Variants in RGS6 observed in about 807,000 individuals in gnomAD.
The protein encoded by RGS6 is regulator of G-protein signaling 6.
Under a neutral mutation model 78.5 loss-of-function variants are expected in RGS6, and 30 were observed. That is an observed-to-expected ratio of 0.38 (90% CI 0.29 to 0.52). The LOEUF (loss-of-function observed/expected upper bound fraction) is 0.52. Ranked by LOEUF, RGS6 falls within the 20% of genes least tolerant of loss-of-function variation. The pLI is 0.85. For missense variants in RGS6, 495 were observed against 609.7 expected (o/e 0.81, Z 1.98); for synonymous variants, 206 against 206.0 (o/e 1.00, Z 0.00).
At chr14:72,367,707 A>T (rs996529502) in intron 3 of RGS6, among the ~76,000 whole-genome samples, 7 of 152,104 alleles carry the variant, frequency 4.6e-5, no homozygotes, top group Non-Finnish European at 8.8e-5. Context: ...TAATAGCTTT[A>T]TGTTTACCTA....
chr14:72,557,983 T>G (rs963965623), intron 17 of RGS6, among the ~76,000 whole-genome samples: 1 of 152,144 alleles, frequency 6.6e-6, no homozygotes, highest in Non-Finnish European at 1.5e-5. Flanking sequence ...GACTTTTTTT[T>G]GTCCTAATTT....
At chr14:72,247,181 A>G (rs919031767) in intron 2 of RGS6, among the ~76,000 whole-genome samples, 3 of 152,170 alleles carry the variant, frequency 2.0e-5, no homozygotes, top group African/African-American at 7.2e-5. Context: ...TTTTCCATAC[A>G]ATGTAGCAAG....
At chr14:72,422,016 G>A (rs1325629124) in intron 3 of RGS6, among the ~76,000 whole-genome samples, 3 of 152,180 alleles carry the variant, frequency 2.0e-5, no homozygotes, top group Non-Finnish European at 4.4e-5. Flanking sequence ...CATGCGGGCA[G>A]GTCTTTCCCA....
intron 2 of RGS6, among the ~76,000 whole-genome samples, chr14:72,137,254 C>T (rs8003202): frequency 0.086 from 13,023 of 152,238 alleles, 1,551 homozygotes; most frequent in African/African-American, 0.27. Context: ...TTGTAAAACC[C>T]TTTCTGCAGC....
intron 3 of RGS6, among the ~76,000 whole-genome samples, chr14:72,415,507 C>T (rs1256685347): frequency 6.6e-6 from 1 of 152,254 alleles, no homozygotes; most frequent in Non-Finnish European, 1.5e-5. Flanking sequence ...GATGCCTCGC[C>T]CTGCTTTGGC....
intron 2 of RGS6, among the ~76,000 whole-genome samples, chr14:72,155,048 G>A (rs1369894089): frequency 1.3e-5 from 2 of 152,228 alleles, no homozygotes; most frequent in Non-Finnish European, 2.9e-5. Flanking sequence ...GGTTCACCCT[G>A]CATGCCTCAT....
intron 3 of RGS6, among the ~76,000 whole-genome samples, chr14:72,417,631 C>T (rs2093917283): frequency 6.6e-6 from 1 of 152,220 alleles, no homozygotes; most frequent in Non-Finnish European, 1.5e-5. Flanking sequence ...GTTCCGCACT[C>T]ATTAGCCAGA....
chr14:71,970,761 G>A (rs1370161764), intron 2 of RGS6, among the ~76,000 whole-genome samples: 1 of 152,156 alleles, frequency 6.6e-6, no homozygotes, highest in Non-Finnish European at 1.5e-5. Flanking sequence ...GAGCCCACAG[G>A]CCAGCTGGGG....
the RGS6 span, among the ~76,000 whole-genome samples, chr14:71,891,950 T>A: frequency 6.6e-5 from 10 of 152,296 alleles, no homozygotes; most frequent in Admixed American, 5.2e-4. Flanking sequence ...GAGTCCTAAT[T>A]TGCATGTAGA....
chr14:72,463,171 G>C, intron 6 of RGS6, among the ~76,000 whole-genome samples: 1 of 152,194 alleles, frequency 6.6e-6, no homozygotes, highest in East Asian at 1.9e-4. Flanking sequence ...TATAGGTAAG[G>C]GTGGAATGCC....
intron 2 of RGS6, among the ~76,000 whole-genome samples, chr14:72,226,375 A>G (rs1272466843): frequency 6.6e-6 from 1 of 152,256 alleles, no homozygotes; most frequent in Non-Finnish European, 1.5e-5. Context: ...ATATCAAAGT[A>G]TATGAGATGA....
At chr14:72,337,869 C>G (rs2076328663) in intron 2 of RGS6, among the ~76,000 whole-genome samples, 1 of 152,230 alleles carries the variant, frequency 6.6e-6, no homozygotes, top group African/African-American at 2.4e-5. Flanking sequence ...CCATCAAATG[C>G]TTCCCAGAGT....
At chr14:71,974,071 A>G (rs1459275999) in intron 2 of RGS6, among the ~76,000 whole-genome samples, 2 of 152,088 alleles carry the variant, frequency 1.3e-5, no homozygotes, top group Non-Finnish European at 2.9e-5. Flanking sequence ...ATTTCATTTC[A>G]AGGAGTCTAA....
At chr14:72,410,159 A>T (rs1412105808) in intron 3 of RGS6, among the ~76,000 whole-genome samples, 5 of 152,188 alleles carry the variant, frequency 3.3e-5, no homozygotes, top group Non-Finnish European at 7.3e-5. Context: ...ACAATGGTTG[A>T]ACTAGTTTAC....
At chr14:72,116,483 C>T (rs1445300677) in intron 2 of RGS6, among the ~76,000 whole-genome samples, 1 of 151,440 alleles carries the variant, frequency 6.6e-6, no homozygotes, top group East Asian at 1.9e-4. Flanking sequence ...CTGGCCTTTG[C>T]CTACTAGATG....
In RGS6 at chr14:71,980,483, C is replaced by T. The variant is rs960068751; in HGVS notation, c.84+15608C>T. On this transcript the variant is annotated intron_variant, in intron 2 of 17. Coordinates refer to ENST00000553525, the MANE Select transcript of RGS6 (RefSeq NM_001204424.2). ...TGGTGACAAAATCTCTCAGCATTTG[C>T]TTGTCTGTAAAGTATTTTATTTCTC... Among the ~76,000 whole-genome samples, 81 of 129,122 alleles carry T rather than the reference C, an allele frequency of 6.3e-4. 1 individual carries two copies. The highest frequency in any genetic ancestry group is 2.3e-3 in the African/African-American group (79 of 34,510). 84.7% of individuals were successfully genotyped at this position (129,122 alleles called of 152,430 possible).
chr14:72,098,819 T>C (rs1300325328), intron 2 of RGS6, among the ~76,000 whole-genome samples: 1 of 152,206 alleles, frequency 6.6e-6, no homozygotes, highest in Admixed American at 6.5e-5. Flanking sequence ...CCTGCCTCAT[T>C]GGTGGGTAAG....
intron 3 of RGS6, among the ~76,000 whole-genome samples, chr14:72,415,924 C>T (rs2093777042): frequency 6.6e-6 from 1 of 152,056 alleles, no homozygotes; most frequent in South Asian, 2.1e-4. Flanking sequence ...CCAAGGCGGG[C>T]AGATCATGAG....
intron 2 of RGS6, among the ~76,000 whole-genome samples, chr14:72,171,651 C>T (rs1289476233): frequency 6.6e-6 from 1 of 152,178 alleles, no homozygotes; most frequent in Non-Finnish European, 1.5e-5. Flanking sequence ...CTCTGTCTGG[C>T]TTCTATCATG....
Sources: allele counts gnomAD v4.1 joint callset (sites outside exome capture counted in the v4.1 genomes callset), GRCh38; gene constraint gnomAD v4.1.1; transcripts MANE v1.5; gene names NCBI Gene and HGNC (gene_info 2026-07-23, HGNC 2026-07-21).